Variants in PLXDC2 observed in about 807,000 individuals in gnomAD.
PLXDC2 encodes plexin domain containing 2, also known as plexin domain-containing protein 2.
PLXDC2 carries 40 observed loss-of-function variants against 68.9 expected under a neutral mutation model. That is an observed-to-expected ratio of 0.58 (90% CI 0.45 to 0.76). The LOEUF (loss-of-function observed/expected upper bound fraction) is 0.76. PLXDC2 is among the 30% of genes least tolerant of loss of function. PLXDC2 has a pLI of 0.00. For missense variants in PLXDC2, 644 were observed against 661.9 expected (o/e 0.97, Z 0.30); for synonymous variants, 243 against 234.2 (o/e 1.04, Z -0.34).
intron 2 of PLXDC2, among the ~76,000 whole-genome samples, chr10:20,038,814 T>A (rs1477484895): frequency 6.6e-6 from 1 of 152,152 alleles, no homozygotes; most frequent in African/African-American, 2.4e-5. Context: ...TCCCTATAGG[T>A]CACCTTCTAA....
intron 4 of PLXDC2, among the ~76,000 whole-genome samples, chr10:20,103,955 A>G (rs779447641): frequency 3.3e-5 from 5 of 152,222 alleles, no homozygotes; most frequent in Middle Eastern, 3.4e-3. Context: ...CACATCTTTT[A>G]TAAGATATAA....
At chr10:20,078,372 G>A (rs1438211313) in intron 4 of PLXDC2, among the ~76,000 whole-genome samples, 1 of 152,084 alleles carries the variant, frequency 6.6e-6, no homozygotes, top group Non-Finnish European at 1.5e-5. Context: ...GACAGAGCAA[G>A]ATCTTGTCTC....
intron 4 of PLXDC2, among the ~76,000 whole-genome samples, chr10:20,103,581 G>T (rs1358048876): frequency 1.1e-5 from 1 of 88,732 alleles, no homozygotes; most frequent in African/African-American, 8.3e-5. Context: ...GGTTAAAGGC[G>T]GTTTGTGTGT....
chr10:19,874,880 G>A (rs538376946), intron 1 of PLXDC2, among the ~76,000 whole-genome samples: 51 of 152,224 alleles, frequency 3.4e-4, no homozygotes, highest in African/African-American at 1.2e-3. Flanking sequence ...CAGAGACGAG[G>A]ATGGGAAGGT....
chr10:20,178,661 T>C (rs909579081), intron 9 of PLXDC2, among the ~76,000 whole-genome samples: 7 of 152,162 alleles, frequency 4.6e-5, no homozygotes, highest in African/African-American at 1.7e-4. Context: ...CCAGGAATAC[T>C]TTAAAACTTA....
At chr10:19,910,824 C>T (rs543157652) in intron 1 of PLXDC2, among the ~76,000 whole-genome samples, 1 of 151,938 alleles carries the variant, frequency 6.6e-6, no homozygotes, top group East Asian at 1.9e-4. Flanking sequence ...GCCTAGTGAA[C>T]ATAGTGAAAC....
At position 20,067,435 on chromosome 10, in the gene PLXDC2, A is replaced by C. The variant is rs367798789; in HGVS notation, c.472-735A>C. Among the ~76,000 whole-genome samples, 7 of 152,090 alleles carry C rather than the reference A, an allele frequency of 4.6e-5. No individual in the cohort carries two copies. In the South Asian group the frequency reaches 8.3e-4, roughly 18 times the overall value. ...GCATGGTGGCTCACGCCTGTAATCC[A>C]AGCACTTTGGGAGGCTGAGGCAGGT... On this transcript the variant is annotated intron_variant, in intron 3 of 13. Coordinates refer to ENST00000377252, the MANE Select transcript of PLXDC2 (RefSeq NM_032812.9).
intron 2 of PLXDC2, among the ~76,000 whole-genome samples, chr10:20,005,703 C>A (rs372092525): frequency 6.6e-6 from 1 of 152,104 alleles, no homozygotes; most frequent in Non-Finnish European, 1.5e-5. Flanking sequence ...CATTTTCAAA[C>A]AACCAGATCT....
chr10:20,232,446 T>A (rs1835377514), intron 12 of PLXDC2, among the ~76,000 whole-genome samples: 4 of 152,020 alleles, frequency 2.6e-5, no homozygotes, highest in Non-Finnish European at 5.9e-5. Context: ...CATAGCAACA[T>A]AATTCATAAT....
intron 1 of PLXDC2, among the ~76,000 whole-genome samples, chr10:19,992,984 C>A (rs78754166): frequency 0.016 from 2,431 of 152,260 alleles, 69 homozygotes; most frequent in African/African-American, 0.055. Flanking sequence ...GAATTAAGAC[C>A]TAGCCTCACG....
intron 1 of PLXDC2, among the ~76,000 whole-genome samples, chr10:19,989,456 A>G (rs1834708138): frequency 6.6e-6 from 1 of 152,176 alleles, no homozygotes. Flanking sequence ...TATAATATAT[A>G]GCCAATAACA....
chr10:20,193,785 A>G (rs1834800832), intron 9 of PLXDC2, among the ~76,000 whole-genome samples: 1 of 152,072 alleles, frequency 6.6e-6, no homozygotes, highest in Non-Finnish European at 1.5e-5. Context: ...AATTCTTAAA[A>G]TTCGTTTTTT....
intron 4 of PLXDC2, among the ~76,000 whole-genome samples, chr10:20,102,698 G>A (rs1180219386): frequency 6.6e-6 from 1 of 152,184 alleles, no homozygotes; most frequent in Non-Finnish European, 1.5e-5. Context: ...CAAGATGGGG[G>A]AATCCTGTTT....
At chr10:19,927,650 C>T (rs192666614) in intron 1 of PLXDC2, among the ~76,000 whole-genome samples, 193 of 140,324 alleles carry the variant, frequency 1.4e-3, no homozygotes, top group African/African-American at 4.9e-3. Flanking sequence ...TGCAGTGAGC[C>T]GAGATTGCCC....
chr10:19,837,176 A>G (rs1487486348), intron 1 of PLXDC2, among the ~76,000 whole-genome samples: 1 of 152,034 alleles, frequency 6.6e-6, no homozygotes, highest in Non-Finnish European at 1.5e-5. Flanking sequence ...ATCACCTGTA[A>G]CATGTTACCC....
chr10:20,046,787 CTT>C, intron 2 of PLXDC2, 80 bp from the exon 3 acceptor site: 1 of 1,381,824 alleles, frequency 7.2e-7, no homozygotes, highest in South Asian at 1.5e-5. Context: ...TATTAATACT[CTT>C]GAGTTCAATA....
chr10:20,167,885 A>G (rs1834395680), intron 7 of PLXDC2, among the ~76,000 whole-genome samples: 1 of 152,146 alleles, frequency 6.6e-6, no homozygotes, highest in Non-Finnish European at 1.5e-5. Context: ...TTTATTTATT[A>G]TTAAAATTTC....
At chr10:19,976,123 C>T (rs1564645027) in intron 1 of PLXDC2, among the ~76,000 whole-genome samples, 2 of 152,200 alleles carry the variant, frequency 1.3e-5, no homozygotes, top group East Asian at 3.8e-4. Flanking sequence ...CGTTTCTCCA[C>T]ACAATTTTGA....
intron 1 of PLXDC2, among the ~76,000 whole-genome samples, chr10:19,889,198 A>C (rs1837903262): frequency 6.6e-6 from 1 of 152,058 alleles, no homozygotes. Context: ...ACATCCCAAC[A>C]TCCCATTTTA....
Sources: allele counts gnomAD v4.1 joint callset (sites outside exome capture counted in the v4.1 genomes callset), GRCh38; gene constraint gnomAD v4.1.1; transcripts MANE v1.5; gene names NCBI Gene and HGNC (gene_info 2026-07-23, HGNC 2026-07-21).